Variants in COL17A1 observed in about 807,000 individuals in gnomAD.
COL17A1 encodes collagen type XVII alpha 1 chain, also known as collagen alpha-1(XVII) chain.
In COL17A1, 181 loss-of-function variants were observed where a neutral mutation model predicts 218.4. That is an observed-to-expected ratio of 0.83 (90% confidence interval 0.73 to 0.94). The LOEUF (loss-of-function observed/expected upper bound fraction) is 0.94, where lower values mean the gene tolerates loss of function less well. COL17A1 is among the 40% of genes least tolerant of loss of function. COL17A1 has a pLI of 0.00. For synonymous variants in COL17A1, 721 were observed against 731.0 expected (o/e 0.99, Z 0.22); for missense variants, 1,924 against 1,945.9 (o/e 0.99, Z 0.21).
At chr10:104,050,551 G>A (rs1305634303) in intron 27 of COL17A1, 70 bp downstream of exon 27, 6 of 1,610,580 alleles carry the variant, frequency 3.7e-6, no homozygotes, top group Non-Finnish European at 3.4e-6. Flanking sequence ...ACCCTACAGT[G>A]AGGGTCCCAT....
At chr10:104,054,917 C>A in intron 20 of COL17A1, 64 bp downstream of exon 20, 3 of 1,612,270 alleles carry the variant, frequency 1.9e-6, no homozygotes, top group Non-Finnish European at 2.5e-6. Context: ...CTGACACTTG[C>A]TGATTGTTTG....
chr10:104,074,356 A>G, intron 5 of COL17A1, 125 bp from the exon 6 acceptor site: 1 of 1,360,544 alleles, frequency 7.3e-7, no homozygotes, highest in Non-Finnish European at 1.0e-6. Context: ...GGGGGGAATG[A>G]GGTATGCTCT....
intron 55 of COL17A1, 66 bp downstream of exon 55, chr10:104,032,608 T>TTCTC (rs1844700295): frequency 1.3e-6 from 2 of 1,499,082 alleles, no homozygotes; most frequent in South Asian, 2.3e-5. Context: ...AATCACCTGC[T>TTCTC]TCTCTAATGA....
Position 104,077,587 on chromosome 10 carries a change from TC to T in COL17A1, c.98-62del, listed in dbSNP as rs201029169. 1,238 of 1,382,596 alleles carry T rather than the reference TC, an allele frequency of 9.0e-4. 18 individuals are homozygous for T. The East Asian group carries it at 0.027, about 31-fold the overall frequency. The allele number at this position is 1,382,596 out of a possible 1,614,324, so 85.6% of individuals were successfully genotyped here. ...GGAGTCAGGCCAGAGGATCCCCTGG[TC>T]CCCCACCCTGTGGAAGGCTTCCCTG... On this transcript the variant is annotated intron_variant, in intron 3 of 55. Coordinates refer to ENST00000648076, the MANE Select transcript of COL17A1 (RefSeq NM_000494.4).
Position 104,070,335 on chromosome 10 carries a change from A to T in COL17A1, c.607+91T>A, listed in dbSNP as rs1022254557. 351 of 1,582,268 alleles carry T rather than the reference A, an allele frequency of 2.2e-4. 3 individuals carry two copies. The Middle Eastern group carries it at 3.2e-3, about 14-fold the overall frequency. ...GGCCCCAATTTCAAGTCTCACTTTC[A>T]CTGTTCTCTGGGTCTCTGAGTCCAC... On this transcript the variant is annotated intron_variant, in intron 9 of 55. Coordinates refer to ENST00000648076, the MANE Select transcript of COL17A1 (RefSeq NM_000494.4).
chr10:104,082,966 C>A (rs1202539198), intron 1 of COL17A1, among the ~76,000 whole-genome samples: 2 of 152,188 alleles, frequency 1.3e-5, no homozygotes, highest in Non-Finnish European at 2.9e-5. Context: ...GTGGATATAA[C>A]CTGCTCTAGG....
chr10:104,039,360 C>T (rs2086334457), intron 43 of COL17A1, 85 bp downstream of exon 43: 2 of 1,424,828 alleles, frequency 1.4e-6, no homozygotes, highest in Non-Finnish European at 2.0e-6. Context: ...CTGATGAGTA[C>T]TTGCTGCCAT....
chr10:104,035,176 C>T (rs763759591), intron 50 of COL17A1, 87 bp downstream of exon 50: 5 of 1,154,036 alleles, frequency 4.3e-6, no homozygotes, highest in Non-Finnish European at 6.3e-6. Context: ...TCCAGGAGCA[C>T]TTAGACTGCC....
intron 2 of COL17A1, 81 bp from the exon 3 acceptor site, chr10:104,078,667 C>T: frequency 6.4e-7 from 1 of 1,573,256 alleles, no homozygotes; most frequent in Non-Finnish European, 8.7e-7. Flanking sequence ...AGCTCTGTCA[C>T]AGGCTAAGCA....
Position 104,042,352 on chromosome 10 carries a change from G to A in COL17A1, c.2551+68C>T, listed in dbSNP as rs1402610407. Reference sequence around the variant, plus strand: ...CGTCATCTAGAACAGAGAGGCCCATGTCCACCCTGAGAGGAAAGTCCTCCC... The same window carrying A: ...CGTCATCTAGAACAGAGAGGCCCATATCCACCCTGAGAGGAAAGTCCTCCC... On this transcript the variant is annotated intron_variant, in intron 36 of 55. Transcript: ENST00000648076. 2.2e-5 allele frequency: 33 copies of A among 1,533,528 alleles called. No homozygotes were observed. The Middle Eastern group carries it at 5.5e-4, about 25-fold the overall frequency. 95.0% of individuals were successfully genotyped at this position (1,533,528 alleles called of 1,614,324 possible). A position where few individuals can be genotyped will look rare whatever the true frequency, so the allele number is the denominator to read the frequency against.
intron 7 of COL17A1, 55 bp downstream of exon 7, chr10:104,073,155 C>T (rs2134650144): frequency 6.5e-7 from 1 of 1,543,572 alleles, no homozygotes; most frequent in East Asian, 2.2e-5. Context: ...CACACATTAA[C>T]TTCTCAGAAA....
At chr10:104,035,857 GGA>G (rs2086278022) in intron 48 of COL17A1, among the ~76,000 whole-genome samples, 1 of 141,332 alleles carries the variant, frequency 7.1e-6, no homozygotes. Flanking sequence ...TGTGCGTATG[GGA>G]GTGTATGGGA....
chr10:104,036,919 T>C, intron 47 of COL17A1, 126 bp downstream of exon 47: 1 of 962,146 alleles, frequency 1.0e-6, no homozygotes, highest in Non-Finnish European at 1.6e-6. Context: ...TGGCTCTTTG[T>C]CCAAAGGACT....
chr10:104,054,631 G>A (rs543636842), intron 20 of COL17A1, among the ~76,000 whole-genome samples: 50 of 152,270 alleles, frequency 3.3e-4, no homozygotes, highest in Admixed American at 1.7e-3. Flanking sequence ...CATCTTGAAC[G>A]TGGTGCTCAG....
chr10:104,035,396 G>C, intron 49 of COL17A1, 23 bp from the exon 50 acceptor site: 1 of 1,613,546 alleles, frequency 6.2e-7, no homozygotes, highest in Non-Finnish European at 8.5e-7. Context: ...GGGAGGGCAC[G>C]GAGTCAGTCC....
intron 50 of COL17A1, 146 bp downstream of exon 50, chr10:104,035,117 C>A: frequency 1.3e-6 from 1 of 771,560 alleles, no homozygotes; most frequent in Non-Finnish European, 2.2e-6. Context: ...AGGCCCCTTG[C>A]CAGCACATGT....
At chr10:104,055,510 A>C (rs1189564928) in intron 18 of COL17A1, 109 bp from the exon 19 acceptor site, 3 of 1,507,882 alleles carry the variant, frequency 2.0e-6, no homozygotes, top group Non-Finnish European at 2.7e-6. Flanking sequence ...TGGGAAGAAG[A>C]AACTGAGGCA....
chr10:104,078,765 A>G (rs2086734410), intron 2 of COL17A1, among the ~76,000 whole-genome samples, 179 bp from the exon 3 acceptor site: 1 of 152,266 alleles, frequency 6.6e-6, no homozygotes, highest in Admixed American at 6.5e-5. Context: ...ATGAGCAACA[A>G]CAATGGGTTT....
In COL17A1 at chr10:104,062,304, G is replaced by A. The variant is rs1275166426; in HGVS notation, c.864C>T (p.Ala288=). The change falls in exon 12 of 56, where the codon GCC becomes GCT. Residue 288 remains alanine (A), a synonymous_variant. Transcript: ENST00000648076. ...CATGGGACAGGGTGGTCAAGCTGGGGGCCAGATTGTTCTGCATGCCAAACA... is the reference window on the plus strand; with the variant it reads ...CATGGGACAGGGTGGTCAAGCTGGGAGCCAGATTGTTCTGCATGCCAAACA... ...SSVFGMQNNL[A]PSLTTLSHGT... is the part of the protein sequence containing the mutation. 6.2e-7 allele frequency: 1 copy of A among 1,614,230 alleles called. No individual in the cohort carries two copies. Among genetic ancestry groups the A allele is most frequent in the South Asian group, 1.1e-5 (1 of 91,086 alleles).
Sources: gnomAD v4.1 joint callset for allele counts (sites outside exome capture counted in the v4.1 genomes callset) on GRCh38, gnomAD v4.1.1 for gene constraint, MANE v1.5 for transcripts, NCBI Gene and HGNC (gene_info 2026-07-23, HGNC 2026-07-21) for gene names.